ATP2C2: variants seen among roughly 807,000 people sequenced by gnomAD.
ATP2C2 encodes the protein calcium-transporting ATPase type 2C member 2.
In ATP2C2, 171 loss-of-function variants were observed where a neutral mutation model predicts 110.8. The ratio of observed to expected loss-of-function variants is 1.54; its 90% CI spans 1.36 to 1.75. The LOEUF (loss-of-function observed/expected upper bound fraction) is 1.75, where lower values mean the gene tolerates loss of function less well. ATP2C2 is among the 40% of genes most tolerant of loss of function. The pLI is 0.00. For missense variants in ATP2C2, 1,963 were observed against 1,235.0 expected (o/e 1.59, Z -8.84); for synonymous variants, 804 against 508.4 (o/e 1.58, Z -7.82).
At chr16:84,388,193 C>A (rs1904429379) in intron 1 of ATP2C2, among the ~76,000 whole-genome samples, 1 of 152,002 alleles carries the variant, frequency 6.6e-6, no homozygotes, top group Admixed American at 6.5e-5. Context: ...GGCATGGTGG[C>A]AGGTACCTGT....
chr16:84,433,984 G>GA (rs1470345073), intron 11 of ATP2C2, among the ~76,000 whole-genome samples: 5 of 152,156 alleles, frequency 3.3e-5, no homozygotes, highest in African/African-American at 1.2e-4. Context: ...AAAGGGCGAG[G>GA]TTTTTCAGTT....
chr16:84,422,977 C>T (rs189404488), intron 9 of ATP2C2, among the ~76,000 whole-genome samples: 60 of 152,184 alleles, frequency 3.9e-4, no homozygotes, highest in African/African-American at 1.4e-3. Flanking sequence ...TTTTCAAACA[C>T]GTAAGACATT....
In ATP2C2 at chr16:84,422,692, G is replaced by A. The variant is rs1259898329; in HGVS notation, c.838G>A (p.Glu280Lys). 1.2e-6 allele frequency: 2 copies of A among 1,612,036 alleles called. No individual in the cohort carries two copies. Among genetic ancestry groups the A allele is most frequent in the African/African-American group, 2.7e-5 (2 of 74,780 alleles). The change falls in exon 9 of 27, where the codon GAA (glutamate) becomes AAA (lysine). Residue 280 changes from glutamate to lysine, a missense_variant. Physicochemically the swap from Glu to Lys is moderately conservative, Grantham distance 56. Transcript: ENST00000262429. ...FGEVFKMMQA[E>K]ETPKTPLQKS... ...AGAAGTGTTTAAGATGATGCAGGCT[G>A]AAGAGGTAAGGGGCAGGAGGGGGCT...
intron 1 of ATP2C2, among the ~76,000 whole-genome samples, chr16:84,370,966 G>T (rs917541518): frequency 3.9e-5 from 6 of 152,198 alleles, no homozygotes; most frequent in Admixed American, 3.3e-4. Context: ...ACGTTTGTTT[G>T]CTCAGTGAGC....
chr16:84,425,772 A>C lies in ATP2C2; in HGVS notation c.957A>C (p.Gln319His), dbSNP rs981799687. 1.9e-6 allele frequency: 3 copies of C among 1,613,810 alleles called. No individual in the cohort carries two copies. The highest frequency in any genetic ancestry group is 2.2e-5 in the South Asian group (2 of 91,066). ...IMLIGWSQGK[Q>H]LLSMFTIGVS... ...TCATTGGCTGGTCGCAAGGGAAACAACTCCTGAGTATGTTCACGATCGGGG... is the reference window on the plus strand; with the variant it reads ...TCATTGGCTGGTCGCAAGGGAAACACCTCCTGAGTATGTTCACGATCGGGG... The change falls in exon 11 of 27, where the codon CAA becomes CAC. Residue 319 changes from glutamine to histidine, a missense_variant. By Grantham distance (24) the Gln-to-His change is conservative. Transcript: ENST00000262429.
chr16:84,463,504 G>A (rs1911604238), intron 26 of ATP2C2, 110 bp from the exon 27 acceptor site: 8 of 881,936 alleles, frequency 9.1e-6, no homozygotes, highest in East Asian at 5.0e-5. Flanking sequence ...GAAAAGGGCT[G>A]GTCCTCCGCA....
chr16:84,434,556 C>T (rs1281577629), intron 11 of ATP2C2, among the ~76,000 whole-genome samples: 2 of 151,636 alleles, frequency 1.3e-5, no homozygotes, highest in African/African-American at 4.9e-5. Context: ...CTCTCTCTGT[C>T]ACCCAGGCTG....
intron 1 of ATP2C2, among the ~76,000 whole-genome samples, chr16:84,393,400 G>A (rs996642442): frequency 6.6e-6 from 1 of 152,058 alleles, no homozygotes; most frequent in Non-Finnish European, 1.5e-5. Flanking sequence ...TCTGTTTCCT[G>A]ACTGTCACGA....
chr16:84,396,971 T>C lies in ATP2C2; in HGVS notation c.100-1528T>C, dbSNP rs544590721. On this transcript the variant is annotated intron_variant, in intron 1 of 26. Transcript: ENST00000262429. ...ATGGTTTGGGGTTGGGGAGGGCGGC[T>C]GTCAAGAAGGAAGAGTGGGATTTGC... Among the ~76,000 whole-genome samples, 32 of 151,926 alleles carry C rather than the reference T, an allele frequency of 2.1e-4. 1 individual carries two copies. Among genetic ancestry groups the C allele is most frequent in the African/African-American group, 7.8e-4 (32 of 41,242 alleles).
chr16:84,453,245 C>G lies in ATP2C2; in HGVS notation c.1929+10C>G. 6.2e-7 allele frequency: 1 copy of G among 1,613,946 alleles called. No homozygotes were observed. Among genetic ancestry groups the G allele is most frequent in the Non-Finnish European group, 8.5e-7 (1 of 1,179,898 alleles). ...CGACCGCGTGGGGAAGGTGGGTCCCCGGAGGCTTGGCTGGCAGTGGGGCTG... is the reference window on the plus strand; with the variant it reads ...CGACCGCGTGGGGAAGGTGGGTCCCGGGAGGCTTGGCTGGCAGTGGGGCTG... On this transcript the variant is annotated intron_variant, in intron 19 of 26. Coordinates refer to ENST00000262429, the MANE Select transcript of ATP2C2 (RefSeq NM_014861.4).
intron 1 of ATP2C2, among the ~76,000 whole-genome samples, chr16:84,392,437 G>A (rs904483668): frequency 6.6e-6 from 1 of 152,066 alleles, no homozygotes; most frequent in Non-Finnish European, 1.5e-5. Flanking sequence ...GGTCTCTGAT[G>A]GTTCTCTGCG....
chr16:84,412,932 C>A (rs1203548850), intron 6 of ATP2C2, among the ~76,000 whole-genome samples: 3 of 119,922 alleles, frequency 2.5e-5, no homozygotes, highest in Non-Finnish European at 6.2e-5. Context: ...TCTGTCTCTA[C>A]TAAAAATTAA....
At chr16:84,418,079 G>A (rs945222583) in intron 7 of ATP2C2, among the ~76,000 whole-genome samples, 4 of 152,186 alleles carry the variant, frequency 2.6e-5, no homozygotes, top group African/African-American at 9.7e-5. Flanking sequence ...AGCTGGTACA[G>A]CCAGCAAGCC....
chr16:84,419,975 T>A (rs932373367), intron 7 of ATP2C2, among the ~76,000 whole-genome samples: 20 of 152,172 alleles, frequency 1.3e-4, no homozygotes, highest in African/African-American at 4.6e-4. Flanking sequence ...AACAGCCGTT[T>A]TAGGCAAAGG....
intron 2 of ATP2C2, among the ~76,000 whole-genome samples, chr16:84,399,516 C>A (rs929449488): frequency 2.6e-4 from 39 of 152,188 alleles, no homozygotes; most frequent in African/African-American, 8.7e-4. Flanking sequence ...ACAAAGTTTC[C>A]TTCCATTATG....
At chr16:84,439,398 C>CCT (rs1555564124) in intron 12 of ATP2C2, 29 bp from the exon 13 acceptor site, 2 of 1,612,722 alleles carry the variant, frequency 1.2e-6, no homozygotes, top group Admixed American at 3.3e-5. Flanking sequence ...GGCAACTTCT[C>CCT]TTCTATAAAC....
chr16:84,460,483 G>C (rs781305043), intron 23 of ATP2C2, 171 bp from the exon 24 acceptor site: 1 of 878,882 alleles, frequency 1.1e-6, no homozygotes, highest in Non-Finnish European at 1.9e-6. Context: ...CAGGCTCTGG[G>C]GCTTCTGGAA....
At chr16:84,446,471 C>A in intron 16 of ATP2C2, 41 bp downstream of exon 16, 2 of 1,439,644 alleles carry the variant, frequency 1.4e-6, no homozygotes, top group East Asian at 2.4e-5. Context: ...TCTTTCTGCC[C>A]GGGCCCCCAC....
intron 11 of ATP2C2, among the ~76,000 whole-genome samples, chr16:84,435,826 CAA>C (rs57536104): frequency 4.0e-5 from 6 of 149,872 alleles, no homozygotes; most frequent in South Asian, 2.1e-4. Context: ...GAACCTGCCT[CAA>C]AAAAAAAAAT....
Sources: allele counts gnomAD v4.1 joint callset (sites outside exome capture counted in the v4.1 genomes callset), GRCh38; gene constraint gnomAD v4.1.1; transcripts MANE v1.5; gene names NCBI Gene and HGNC (gene_info 2026-07-23, HGNC 2026-07-21).